HCK: variants seen among roughly 807,000 people sequenced by gnomAD.
The protein encoded by HCK is tyrosine-protein kinase HCK.
A neutral mutation model predicts 70.4 loss-of-function variants in HCK; 40 were observed. The observed-to-expected ratio is 0.57, with a 90% CI of 0.44 to 0.74. The LOEUF is 0.74. Ranked by LOEUF, HCK falls within the 30% of genes least tolerant of loss-of-function variation. The pLI is 0.00. For synonymous variants in HCK, 245 were observed against 263.2 expected (o/e 0.93, Z 0.67); for missense variants, 568 against 697.2 (o/e 0.81, Z 2.09).
At chr20:32,060,728 T>A (rs7354524) in intron 1 of HCK, among the ~76,000 whole-genome samples, 1 of 152,180 alleles carries the variant, frequency 6.6e-6, no homozygotes, top group Non-Finnish European at 1.5e-5. Context: ...AACTTCAGCA[T>A]ACCCTGAGAT....
intron 1 of HCK, among the ~76,000 whole-genome samples, chr20:32,066,809 C>G (rs1368237807): frequency 6.6e-6 from 1 of 152,134 alleles, no homozygotes; most frequent in South Asian, 2.1e-4. Flanking sequence ...GCAGTCCCAC[C>G]CTGGGCTTCT....
intron 1 of HCK, 28 bp from the exon 2 acceptor site, chr20:32,071,634 G>C: frequency 1.2e-6 from 2 of 1,609,854 alleles, no homozygotes; most frequent in Non-Finnish European, 1.7e-6. Context: ...TTGGTAACTG[G>C]GGCTCACCTC....
intron 1 of HCK, among the ~76,000 whole-genome samples, chr20:32,068,982 C>G (rs983773215): frequency 6.6e-6 from 1 of 152,128 alleles, no homozygotes; most frequent in Non-Finnish European, 1.5e-5. Flanking sequence ...AAATGGAACT[C>G]ATGGGAATTC....
chr20:32,071,925 C>T (rs773601301), intron 2 of HCK, 143 bp downstream of exon 2: 6 of 1,016,216 alleles, frequency 5.9e-6, no homozygotes, highest in South Asian at 5.0e-5. Flanking sequence ...TGTCCTGACT[C>T]GACTCTCCGG....
At chr20:32,095,048 A>G (rs2045936873) in intron 11 of HCK, among the ~76,000 whole-genome samples, 1 of 152,220 alleles carries the variant, frequency 6.6e-6, no homozygotes, top group African/African-American at 2.4e-5. Context: ...CAAAAAATGG[A>G]AACAACACTC....
chr20:32,097,568 G>A (rs147586921), intron 11 of HCK, among the ~76,000 whole-genome samples: 254 of 152,188 alleles, frequency 1.7e-3, no homozygotes, highest in African/African-American at 5.9e-3. Flanking sequence ...CAAACAGAGC[G>A]AGACCCTGTC....
chr20:32,052,403 C>A lies in HCK; in HGVS notation c.-22C>A. 1 of 1,286,322 alleles carries A rather than the reference C, an allele frequency of 7.8e-7. No homozygotes were observed. The allele number at this position is 1,286,322 out of a possible 1,614,324, so 79.7% of individuals were successfully genotyped here. A position where few individuals can be genotyped will look rare whatever the true frequency, so the allele number is the denominator to read the frequency against. On this transcript the variant is annotated 5_prime_UTR_variant, in exon 1 of 13. Transcript: ENST00000375852. ...AGTCAGTTTCCCGGCACTGGCACCC[C>A]GGAACCTCAGGGGCTGCCGAGCTGG...
chr20:32,086,549 G>A (rs932250252), intron 8 of HCK, 79 bp from the exon 9 acceptor site: 7 of 1,207,618 alleles, frequency 5.8e-6, no homozygotes, highest in African/African-American at 3.1e-5. Context: ...GAGGAGGCGG[G>A]TCTGCAGCTG....
At chr20:32,081,944 A>G (rs2045714137) in intron 6 of HCK, among the ~76,000 whole-genome samples, 1 of 152,216 alleles carries the variant, frequency 6.6e-6, no homozygotes, top group Non-Finnish European at 1.5e-5. Context: ...ATTTAATAAA[A>G]GTTGCAGCAT....
At chr20:32,052,900 C>T (rs1375393399) in intron 1 of HCK, among the ~76,000 whole-genome samples, 2 of 151,212 alleles carry the variant, frequency 1.3e-5, no homozygotes, top group African/African-American at 4.9e-5. Context: ...CGGGTCACGC[C>T]GGGTTGGCAG....
intron 7 of HCK, 89 bp downstream of exon 7, chr20:32,084,132 T>G: frequency 3.6e-6 from 5 of 1,407,144 alleles, no homozygotes; most frequent in Non-Finnish European, 4.9e-6. Context: ...AGACCTGCTG[T>G]GTCCTTCTTG....
intron 11 of HCK, among the ~76,000 whole-genome samples, chr20:32,098,288 C>T (rs1198998152): frequency 1.3e-5 from 2 of 151,944 alleles, no homozygotes; most frequent in African/African-American, 4.8e-5. Flanking sequence ...TCCTTGGTCT[C>T]CCAAAGTGCT....
chr20:32,076,669 G>C (rs530099357), intron 5 of HCK, among the ~76,000 whole-genome samples: 1 of 152,170 alleles, frequency 6.6e-6, no homozygotes, highest in East Asian at 1.9e-4. Flanking sequence ...CTGGATTGCC[G>C]GCTAACAAGT....
chr20:32,094,812 A>AG (rs1569010859), intron 11 of HCK, among the ~76,000 whole-genome samples: 2 of 106,282 alleles, frequency 1.9e-5, no homozygotes, highest in East Asian at 4.1e-4. Flanking sequence ...AAAGAAAGAA[A>AG]GAAAGAAAGA....
At chr20:32,094,741 GA>G in intron 11 of HCK, among the ~76,000 whole-genome samples, 1 of 129,290 alleles carries the variant, frequency 7.7e-6, no homozygotes, top group Admixed American at 8.0e-5. Flanking sequence ...AAGAAAGAAA[GA>G]AAGAAAGAAA....
At chr20:32,075,722 C>T (rs182597901) in intron 5 of HCK, among the ~76,000 whole-genome samples, 2 of 152,116 alleles carry the variant, frequency 1.3e-5, no homozygotes, top group Admixed American at 1.3e-4. Flanking sequence ...ATCCATCCAT[C>T]CATCCATCCA....
rs1432952193 is a variant in HCK, at chr20:32,083,942, C to T, written c.581C>T (p.Thr194Ile). 1 of 1,614,160 alleles carries T rather than the reference C, an allele frequency of 6.2e-7. No individual in the cohort carries two copies. The highest frequency in any genetic ancestry group is 8.5e-7 in the Non-Finnish European group (1 of 1,180,030). ...GACTACGACCCTCGGCAGGGAGATA[C>T]CGTGAAACATTACAAGATCCGGACC... The change falls in exon 7 of 13, where the codon ACC becomes ATC. Residue 194 changes from threonine (T) to isoleucine (I), a missense_variant. By Grantham distance (89) the Thr-to-Ile change is moderately conservative. This residue lies in a region of HCK where 318 missense variants were observed against 336.0 expected (regional missense o/e 0.95). Coordinates refer to ENST00000375852, the MANE Select transcript of HCK (RefSeq NM_002110.5).
intron 11 of HCK, among the ~76,000 whole-genome samples, chr20:32,097,624 G>C (rs781342975): frequency 2.0e-5 from 3 of 151,858 alleles, no homozygotes; most frequent in Non-Finnish European, 2.9e-5. Flanking sequence ...AATGACTAAA[G>C]GAATAAAAGT....
intron 2 of HCK, among the ~76,000 whole-genome samples, chr20:32,073,057 G>A (rs1045461991): frequency 2.0e-5 from 3 of 152,140 alleles, no homozygotes; most frequent in Non-Finnish European, 4.4e-5. Context: ...CTGAGATCAC[G>A]CCACTGCACT....
Sources: gnomAD v4.1 joint callset for allele counts (sites outside exome capture counted in the v4.1 genomes callset) on GRCh38, gnomAD v4.1.1 for gene constraint, gnomAD v4.1.1 regional missense constraint, MANE v1.5 for transcripts, NCBI Gene and HGNC (gene_info 2026-07-23, HGNC 2026-07-21) for gene names.